Variants in MTSS1 observed in about 807,000 individuals in gnomAD.
MTSS1 encodes protein MTSS 1.
In MTSS1, 18 loss-of-function variants were observed where a neutral mutation model predicts 79.0. The ratio of observed to expected loss-of-function variants is 0.23; its 90% CI spans 0.16 to 0.34. The LOEUF is 0.34. Ranked by LOEUF, MTSS1 falls within the 10% of genes least tolerant of loss-of-function variation. The pLI, the probability that MTSS1 is intolerant of heterozygous loss-of-function variation, is 1.00. For synonymous variants in MTSS1, 341 were observed against 368.6 expected (o/e 0.93, Z 0.86); for missense variants, 815 against 986.2 (o/e 0.83, Z 2.33).
In MTSS1 at chr8:124,728,050, C is replaced by T. The variant is rs1216845612; in HGVS notation, c.-95G>A. On this transcript the variant is annotated 5_prime_UTR_variant, in exon 1 of 14. Coordinates refer to ENST00000518547, the MANE Select transcript of MTSS1 (RefSeq NM_014751.6). This position sits in a 1 kb window ranked among gnomAD's most constrained non-coding sequence, Gnocchi z 6.1. ...TCACCCCAGAAGGAATTTCACCTTC[C>T]GAGAGACCCACCTCGGACTCGCAGC... 8 of 1,101,744 alleles carry T rather than the reference C, an allele frequency of 7.3e-6. No individual in the cohort carries two copies. Among genetic ancestry groups the T allele is most frequent in the Non-Finnish European group, 1.1e-5 (8 of 753,444 alleles). 68.2% of individuals were successfully genotyped at this position (1,101,744 alleles called of 1,614,324 possible).
At chr8:124,603,586 G>C (rs534210309) in intron 3 of MTSS1, among the ~76,000 whole-genome samples, 9 of 152,314 alleles carry the variant, frequency 5.9e-5, no homozygotes. Context: ...GGCATGGAGA[G>C]ATGGACAACC....
chr8:124,601,604 G>A (rs1408652888), intron 3 of MTSS1, among the ~76,000 whole-genome samples: 1 of 152,220 alleles, frequency 6.6e-6, no homozygotes, highest in African/African-American at 2.4e-5. Flanking sequence ...GAGCCCAGAA[G>A]TCCTAAATTG....
chr8:124,614,460 T>C (rs988767716), intron 3 of MTSS1, among the ~76,000 whole-genome samples: 1 of 152,236 alleles, frequency 6.6e-6, no homozygotes, highest in East Asian at 1.9e-4. Flanking sequence ...CTCACCTTTG[T>C]CCTCATCATG....
At chr8:124,706,332 T>C (rs1275948501) in intron 1 of MTSS1, among the ~76,000 whole-genome samples, 3 of 152,358 alleles carry the variant, frequency 2.0e-5, no homozygotes, top group African/African-American at 7.2e-5. Context: ...TCTTGTGAGT[T>C]TTCTTTATAA....
At chr8:124,708,905 A>G (rs1404437091) in intron 1 of MTSS1, among the ~76,000 whole-genome samples, 2 of 152,064 alleles carry the variant, frequency 1.3e-5, no homozygotes, top group African/African-American at 2.4e-5. Context: ...TTCTAAGAAC[A>G]GAAGACAAAA....
intron 3 of MTSS1, among the ~76,000 whole-genome samples, chr8:124,616,920 T>C (rs1836984630): frequency 6.6e-6 from 1 of 152,246 alleles, no homozygotes. Context: ...TAGGGATCGA[T>C]TAACAATCAG....
chr8:124,723,157 G>A (rs58717660), intron 1 of MTSS1, among the ~76,000 whole-genome samples: 1 of 152,154 alleles, frequency 6.6e-6, no homozygotes, highest in East Asian at 1.9e-4. Flanking sequence ...ATAGCACACA[G>A]GGAACAAACT....
chr8:124,675,979 C>G (rs1326212600), intron 3 of MTSS1, among the ~76,000 whole-genome samples: 1 of 152,158 alleles, frequency 6.6e-6, no homozygotes, highest in Admixed American at 6.5e-5. Context: ...TTTTAAGGCA[C>G]TTTCACATTT....
chr8:124,705,709 C>T (rs1830290560), intron 1 of MTSS1, among the ~76,000 whole-genome samples: 1 of 152,194 alleles, frequency 6.6e-6, no homozygotes, highest in South Asian at 2.1e-4. Context: ...CCAGCTAAAA[C>T]ATTAACAGTT....
chr8:124,573,812 C>T (rs1828377022), intron 6 of MTSS1, among the ~76,000 whole-genome samples: 1 of 152,118 alleles, frequency 6.6e-6, no homozygotes, highest in Non-Finnish European at 1.5e-5. Flanking sequence ...TTGTTTTTTT[C>T]CTGGTGCTAG....
intron 3 of MTSS1, among the ~76,000 whole-genome samples, chr8:124,662,456 C>T (rs755262049): frequency 1.3e-5 from 2 of 152,148 alleles, no homozygotes; most frequent in Admixed American, 6.5e-5. Context: ...TCAGTCTCTG[C>T]CACCAGGAAG....
chr8:124,571,597 A>ACAC (rs1040942395), intron 6 of MTSS1, among the ~76,000 whole-genome samples: 5 of 152,024 alleles, frequency 3.3e-5, no homozygotes, highest in Non-Finnish European at 5.9e-5. Context: ...AAGTCGGGAG[A>ACAC]CACCAGATTG....
chr8:124,625,309 T>C (rs1324209454), intron 3 of MTSS1, among the ~76,000 whole-genome samples: 3 of 152,144 alleles, frequency 2.0e-5, no homozygotes, highest in African/African-American at 7.2e-5. Context: ...CGAAAATACA[T>C]GGCAGGAGAA....
Position 124,552,700 on chromosome 8 carries a change from G to A in MTSS1, c.*292C>T, listed in dbSNP as rs1822718538. 2.7e-6 allele frequency: 1 copy of A among 364,552 alleles called. No individual in the cohort carries two copies. The highest frequency in any genetic ancestry group is 4.3e-5 in the Admixed American group (1 of 23,374). 22.6% of individuals were successfully genotyped at this position (364,552 alleles called of 1,614,324 possible). A position where few individuals can be genotyped will look rare whatever the true frequency, so the allele number is the denominator to read the frequency against. On this transcript the variant is annotated 3_prime_UTR_variant, in exon 14 of 14. Transcript: ENST00000518547. ...CTTTATGCATTTAAAATTTTACAAA[G>A]ACTTGTAAAAAAGTTAAATGGAATT... is the stretch of plus-strand genomic sequence containing the variant.
intron 1 of MTSS1, among the ~76,000 whole-genome samples, chr8:124,722,217 G>C (rs1450897869): frequency 1.3e-5 from 2 of 152,130 alleles, no homozygotes; most frequent in Non-Finnish European, 2.9e-5. Flanking sequence ...AGCACAGGAA[G>C]GAGTTTTGTT....
Position 124,553,331 on chromosome 8 carries a change from G to A in MTSS1, c.1929C>T (p.His643=), listed in dbSNP as rs768990469. ...PPDGPEERGE[H]SPESPSVGEG... ...CACCCACAGATGGCGACTCAGGGCT[G>A]TGCTCCCCCCGCTCTTCTGGCCCAT... is the stretch of plus-strand genomic sequence containing the variant. Residue 643 remains histidine (H), a synonymous_variant, in exon 14 of 14, where the codon CAC becomes CAT. Transcript: ENST00000518547. The surrounding 1 kb of genome is among the most constrained non-coding windows in gnomAD (Gnocchi z 6.0). The A allele has an allele frequency of 1.9e-6, 3 of 1,613,852 alleles. No individual in the cohort carries two copies. Among genetic ancestry groups the A allele is most frequent in the South Asian group, 1.1e-5 (1 of 91,080 alleles).
At chr8:124,611,420 C>T (rs568276065) in intron 3 of MTSS1, among the ~76,000 whole-genome samples, 7 of 152,220 alleles carry the variant, frequency 4.6e-5, no homozygotes, top group South Asian at 2.1e-4. Flanking sequence ...CAGGCCCAGC[C>T]GACCTGAACA....
At chr8:124,674,290 A>G (rs1041192233) in intron 3 of MTSS1, among the ~76,000 whole-genome samples, 17 of 152,202 alleles carry the variant, frequency 1.1e-4, no homozygotes, top group African/African-American at 4.1e-4. Context: ...TCACTTTAAA[A>G]TGATTAATTT....
chr8:124,558,271 C>T (rs1475607297), intron 10 of MTSS1, among the ~76,000 whole-genome samples: 1 of 142,632 alleles, frequency 7.0e-6, no homozygotes, highest in African/African-American at 2.7e-5. Flanking sequence ...TCTGTTCATT[C>T]TAGGTTTCCA....
Sources: allele counts gnomAD v4.1 joint callset (sites outside exome capture counted in the v4.1 genomes callset), GRCh38; gene constraint gnomAD v4.1.1; non-coding constraint Gnocchi (gnomAD v3.1); transcripts MANE v1.5; gene names NCBI Gene and HGNC (gene_info 2026-07-23, HGNC 2026-07-21).